Variants in SH3RF1 observed in about 807,000 individuals in gnomAD.
SH3RF1 encodes SH3 domain containing ring finger 1, also known as E3 ubiquitin-protein ligase SH3RF1.
A neutral mutation model predicts 74.0 loss-of-function variants in SH3RF1; 32 were observed. The observed-to-expected ratio is 0.43, with a 90% CI of 0.33 to 0.58. The LOEUF is 0.58. Ranked by LOEUF, SH3RF1 falls within the 20% of genes least tolerant of loss-of-function variation. The pLI, the probability that SH3RF1 is intolerant of heterozygous loss-of-function variation, is 0.05. For synonymous variants in SH3RF1, 396 were observed against 439.6 expected (o/e 0.90, Z 1.24); for missense variants, 954 against 1,130.9 (o/e 0.84, Z 2.24).
chr4:169,265,507 CT>C (rs11300251), intron 2 of SH3RF1, among the ~76,000 whole-genome samples: 29,137 of 151,996 alleles, frequency 0.19, 3,047 homozygotes, highest in Non-Finnish European at 0.24. Context: ...GAGTTTCGCT[CT>C]TTTTGGCCAG....
At chr4:169,242,870 C>A (rs958446324) in intron 2 of SH3RF1, among the ~76,000 whole-genome samples, 1 of 152,236 alleles carries the variant, frequency 6.6e-6, no homozygotes, top group African/African-American at 2.4e-5. Context: ...CCTCCAGAAC[C>A]ATGAGCCAAA....
intron 10 of SH3RF1, among the ~76,000 whole-genome samples, chr4:169,112,733 A>G (rs1449582994): frequency 1.3e-5 from 2 of 152,220 alleles, no homozygotes; most frequent in Non-Finnish European, 2.9e-5. Flanking sequence ...AAGAAGGCTT[A>G]AAGATCAGAA....
chr4:169,099,158 T>G (rs1732976501), intron 11 of SH3RF1, among the ~76,000 whole-genome samples: 5 of 152,198 alleles, frequency 3.3e-5, no homozygotes, highest in Admixed American at 3.3e-4. Flanking sequence ...AGTGATGCAA[T>G]CACAGCTCAC....
intron 4 of SH3RF1, among the ~76,000 whole-genome samples, chr4:169,145,850 T>C (rs1268293192): frequency 8.4e-6 from 1 of 119,716 alleles, no homozygotes; most frequent in Non-Finnish European, 1.8e-5. Flanking sequence ...TTCTATATAT[T>C]ATTCTATATA....
intron 11 of SH3RF1, among the ~76,000 whole-genome samples, chr4:169,103,086 A>ATTTTTTT (rs60740517): frequency 7.7e-3 from 671 of 86,764 alleles, no homozygotes; most frequent in Non-Finnish European, 9.0e-3. Flanking sequence ...GCGCCTGGCT[A>ATTTTTTT]TTTTTTTTTT....
intron 2 of SH3RF1, among the ~76,000 whole-genome samples, chr4:169,177,206 T>C (rs1318082676): frequency 6.6e-6 from 1 of 152,228 alleles, no homozygotes; most frequent in Non-Finnish European, 1.5e-5. Flanking sequence ...GCATCCTGTG[T>C]CAACCCTGCA....
intron 2 of SH3RF1, among the ~76,000 whole-genome samples, chr4:169,219,301 A>T (rs1730523359): frequency 1.3e-5 from 2 of 152,190 alleles, no homozygotes; most frequent in Non-Finnish European, 2.9e-5. Flanking sequence ...GTTTCTGTTC[A>T]ATCAATATAA....
chr4:169,177,699 G>T (rs1579121540), intron 2 of SH3RF1, among the ~76,000 whole-genome samples: 4 of 152,174 alleles, frequency 2.6e-5, no homozygotes, highest in East Asian at 1.9e-4. Flanking sequence ...ATTCAAATGT[G>T]TTTAAATATC....
intron 2 of SH3RF1, among the ~76,000 whole-genome samples, chr4:169,260,501 C>A (rs1247453283): frequency 1.3e-5 from 2 of 152,126 alleles, no homozygotes; most frequent in Admixed American, 6.5e-5. Context: ...GATGCAAAAG[C>A]CAGGGATGAA....
chr4:169,187,206 G>A (rs181133921), intron 2 of SH3RF1, among the ~76,000 whole-genome samples: 38 of 152,186 alleles, frequency 2.5e-4, no homozygotes, highest in African/African-American at 7.0e-4. Context: ...GTATGTATGT[G>A]CTGACTGATT....
At chr4:169,257,952 T>C (rs952870042) in intron 2 of SH3RF1, among the ~76,000 whole-genome samples, 3 of 152,210 alleles carry the variant, frequency 2.0e-5, no homozygotes, top group African/African-American at 7.2e-5. Flanking sequence ...GGCAGATTAC[T>C]GGTGTCAATG....
At chr4:169,235,834 C>T (rs1579155228) in intron 2 of SH3RF1, among the ~76,000 whole-genome samples, 1 of 152,226 alleles carries the variant, frequency 6.6e-6, no homozygotes, top group South Asian at 2.1e-4. Context: ...GTGTGCACCA[C>T]CAGGACTGGC....
chr4:169,140,225 C>T (rs1733761788), intron 4 of SH3RF1, among the ~76,000 whole-genome samples: 1 of 152,168 alleles, frequency 6.6e-6, no homozygotes. Flanking sequence ...GTATAGCAAC[C>T]TTTGGTAACA....
At chr4:169,130,858 G>A (rs1733606999) in intron 5 of SH3RF1, among the ~76,000 whole-genome samples, 2 of 152,216 alleles carry the variant, frequency 1.3e-5, no homozygotes, top group Non-Finnish European at 2.9e-5. Flanking sequence ...CACTCAGGTT[G>A]CATAGCAGGT....
chr4:169,103,722 G>A (rs1219411339), intron 11 of SH3RF1, among the ~76,000 whole-genome samples: 9 of 152,100 alleles, frequency 5.9e-5, no homozygotes, highest in African/African-American at 1.9e-4. Context: ...AGAATCCAAG[G>A]TAAATAAATA....
intron 2 of SH3RF1, among the ~76,000 whole-genome samples, chr4:169,199,572 G>A (rs1392645279): frequency 1.3e-5 from 2 of 151,900 alleles, no homozygotes; most frequent in African/African-American, 2.4e-5. Context: ...CACACAGTAT[G>A]TATAACAGCA....
At chr4:169,242,938 C>T (rs1437929515) in intron 2 of SH3RF1, among the ~76,000 whole-genome samples, 2 of 152,294 alleles carry the variant, frequency 1.3e-5, no homozygotes, top group East Asian at 1.9e-4. Context: ...TGGACCAAGA[C>T]ACCAGGTATG....
chr4:169,194,636 T>C (rs180793780), intron 2 of SH3RF1, among the ~76,000 whole-genome samples: 4 of 152,324 alleles, frequency 2.6e-5, no homozygotes, highest in African/African-American at 7.2e-5. Context: ...TTGAGCTCTT[T>C]CCAGGTGTTA....
At chr4:169,231,765 T>C (rs1195944680) in intron 2 of SH3RF1, among the ~76,000 whole-genome samples, 2 of 152,216 alleles carry the variant, frequency 1.3e-5, no homozygotes, top group Non-Finnish European at 2.9e-5. Flanking sequence ...TCTACTTCTG[T>C]GTGAACCATC....
Sources: allele counts gnomAD v4.1 joint callset (sites outside exome capture counted in the v4.1 genomes callset), GRCh38; gene constraint gnomAD v4.1.1; transcripts MANE v1.5; gene names NCBI Gene and HGNC (gene_info 2026-07-23, HGNC 2026-07-21).